Variants in SPINK9 observed in about 807,000 individuals in gnomAD.
The protein encoded by SPINK9 is serine peptidase inhibitor Kazal type 9, also known as serine protease inhibitor Kazal-type 9.
Under a neutral mutation model 10.8 loss-of-function variants are expected in SPINK9, and 3 were observed. The observed-to-expected ratio is 0.28, with a 90% confidence interval of 0.13 to 0.72. SPINK9 has a LOEUF of 0.72. SPINK9 is among the 30% of genes least tolerant of loss of function. SPINK9 has a pLI of 0.74. For missense variants in SPINK9, 101 were observed against 103.2 expected, an observed-to-expected ratio of 0.98 and a Z score of 0.09; for synonymous variants, 30 against 31.2, an observed-to-expected ratio of 0.96 and a Z score of 0.12.
In SPINK9 at chr5:148,338,469, T is replaced by G; in HGVS notation, c.88-9T>G. ...GAAAGAGTTGAAGGTTTTTAATATGTTTTTTCAGGTTGACTGCAGTCATTA... is the reference window on the plus strand; with the variant it reads ...GAAAGAGTTGAAGGTTTTTAATATGGTTTTTCAGGTTGACTGCAGTCATTA... On this transcript the variant is annotated splice_polypyrimidine_tract_variant and intron_variant, in intron 2 of 3. Coordinates refer to ENST00000377906, the MANE Select transcript of SPINK9 (RefSeq NM_001040433.2). 6.3e-7 allele frequency: 1 copy of G among 1,585,802 alleles called. No homozygotes were observed. The highest frequency in any genetic ancestry group is 8.5e-7 in the Non-Finnish European group (1 of 1,171,350).
chr5:148,334,101 T>C (rs914323343), upstream of SPINK9, among the ~76,000 whole-genome samples: 2 of 151,800 alleles, frequency 1.3e-5, no homozygotes, highest in African/African-American at 2.4e-5. Context: ...GGTCAGTGCA[T>C]AGAAAACTTA....
At chr5:148,329,565 TCTTG>T (rs1206194791) in intron 2 of SPINK9, among the ~76,000 whole-genome samples, 3 of 152,344 alleles carry the variant, frequency 2.0e-5, no homozygotes, top group Non-Finnish European at 4.4e-5. Context: ...ATGTGTTTGC[TCTTG>T]CTTCTCTAGT....
At chr5:148,326,876 G>C (rs1173263198) in intron 2 of SPINK9, among the ~76,000 whole-genome samples, 1 of 152,018 alleles carries the variant, frequency 6.6e-6, no homozygotes, top group African/African-American at 2.4e-5. Context: ...GTATTCCATG[G>C]TGTATATGTG....
intron 2 of SPINK9, among the ~76,000 whole-genome samples, chr5:148,326,115 A>G (rs1333462205): frequency 1.3e-5 from 2 of 152,230 alleles, no homozygotes; most frequent in Non-Finnish European, 2.9e-5. Flanking sequence ...GAATGAAGAC[A>G]TACAAATGGT....
In SPINK9 at chr5:148,335,605, T is replaced by G. The variant is rs753012557; in HGVS notation, c.-9T>G. On this transcript the variant is annotated 5_prime_UTR_variant, in exon 1 of 4. Coordinates refer to ENST00000377906, the MANE Select transcript of SPINK9 (RefSeq NM_001040433.2). Reference sequence around the variant, plus strand: ...CCCTACATCTGACTGCCTTGGCCACTTCAGTACTATGAGAGCAACAGCCAT... The same window carrying G: ...CCCTACATCTGACTGCCTTGGCCACGTCAGTACTATGAGAGCAACAGCCAT... The G allele has an allele frequency of 6.2e-7, 1 of 1,613,484 alleles. No individual in the cohort carries two copies. Among genetic ancestry groups the G allele is most frequent in the Admixed American group, 1.7e-5 (1 of 60,006 alleles).
At chr5:148,338,689 G>A in intron 3 of SPINK9, 84 bp downstream of exon 3, 1 of 1,053,554 alleles carries the variant, frequency 9.5e-7, no homozygotes, top group Non-Finnish European at 1.4e-6. Flanking sequence ...TAGGGCCTAA[G>A]GAATATGTGA....
intron 2 of SPINK9, among the ~76,000 whole-genome samples, chr5:148,327,364 C>A (rs1320604455): frequency 1.3e-5 from 2 of 151,860 alleles, no homozygotes; most frequent in Admixed American, 1.3e-4. Flanking sequence ...TTGTTTTTTT[C>A]TTGTAAATTT....
At chr5:148,335,794 CT>C (rs1757209875) in intron 1 of SPINK9, 126 bp downstream of exon 1, 1 of 1,158,238 alleles carries the variant, frequency 8.6e-7, no homozygotes, top group Non-Finnish European at 1.2e-6. Flanking sequence ...TAAAATGAAT[CT>C]TTTGCCTCAA....
At chr5:148,337,377 C>A (rs1050762909) in intron 2 of SPINK9, among the ~76,000 whole-genome samples, 1 of 152,044 alleles carries the variant, frequency 6.6e-6, no homozygotes, top group Admixed American at 6.6e-5. Flanking sequence ...TAACCTTAGC[C>A]CGATAACAGG....
At chr5:148,325,494 AT>A (rs2113410758) in intron 2 of SPINK9, among the ~76,000 whole-genome samples, 1 of 152,106 alleles carries the variant, frequency 6.6e-6, no homozygotes, top group African/African-American at 2.4e-5. Context: ...ACTGATGTTG[AT>A]TTTCATGTCC....
At chr5:148,324,708 G>T (rs188376771) in intron 2 of SPINK9, among the ~76,000 whole-genome samples, 1 of 148,944 alleles carries the variant, frequency 6.7e-6, no homozygotes, top group East Asian at 1.9e-4. Flanking sequence ...TCCTGAATGG[G>T]TCTTATTATT....
chr5:148,335,210 A>T (rs1166917418), upstream of SPINK9, among the ~76,000 whole-genome samples: 2 of 152,196 alleles, frequency 1.3e-5, no homozygotes, highest in Non-Finnish European at 2.9e-5. Context: ...AAAGAATTCA[A>T]ATGACTCATG....
chr5:148,336,292 A>C (rs924017630), intron 1 of SPINK9, 130 bp from the exon 2 acceptor site: 1 of 950,364 alleles, frequency 1.1e-6, no homozygotes, highest in African/African-American at 1.6e-5. Context: ...CAATGCTGAT[A>C]CACAGTTGTG....
upstream of SPINK9, among the ~76,000 whole-genome samples, chr5:148,332,941 A>AT (rs35803954): frequency 9.9e-5 from 15 of 151,850 alleles, no homozygotes; most frequent in African/African-American, 2.4e-4. Context: ...TTATACAGTA[A>AT]TTTTTTTTTA....
upstream of SPINK9, among the ~76,000 whole-genome samples, chr5:148,332,862 T>C (rs1339180214): frequency 2.0e-5 from 3 of 152,206 alleles, no homozygotes; most frequent in Non-Finnish European, 2.9e-5. Flanking sequence ...TCACTCACTG[T>C]CAAGGAATTA....
At position 148,339,809 on chromosome 5, in the gene SPINK9, C is replaced by A; in HGVS notation, c.*97C>A. ...TCTATGCCACATTGCCTACTCATCA[C>A]CATATGTAGATTTCTTTGTAGAATA... On this transcript the variant is annotated 3_prime_UTR_variant, in exon 4 of 4. Transcript: ENST00000377906. The A allele has an allele frequency of 1.0e-6, 1 of 955,848 alleles. No homozygotes were observed. Among genetic ancestry groups the A allele is most frequent in the Non-Finnish European group, 1.6e-6 (1 of 613,046 alleles). 59.2% of individuals were successfully genotyped at this position (955,848 alleles called of 1,614,324 possible). A position where few individuals can be genotyped will look rare whatever the true frequency, so the allele number is the denominator to read the frequency against.
chr5:148,337,073 T>C (rs1757226789), intron 2 of SPINK9, among the ~76,000 whole-genome samples: 1 of 152,096 alleles, frequency 6.6e-6, no homozygotes, highest in African/African-American at 2.4e-5. Flanking sequence ...AATAATAGGG[T>C]TAAGGATATA....
rs756573656 is a variant in SPINK9, at chr5:148,335,608, A to G, written c.-6A>G. ...TACATCTGACTGCCTTGGCCACTTC[A>G]GTACTATGAGAGCAACAGCCATAGT... On this transcript the variant is annotated 5_prime_UTR_variant, in exon 1 of 4. Transcript: ENST00000377906. 2.5e-6 allele frequency: 4 copies of G among 1,613,540 alleles called. No individual in the cohort carries two copies. Among genetic ancestry groups the G allele is most frequent in the Non-Finnish European group, 3.4e-6 (4 of 1,179,790 alleles).
chr5:148,328,844 G>C (rs1243712447), intron 2 of SPINK9, among the ~76,000 whole-genome samples: 1 of 152,132 alleles, frequency 6.6e-6, no homozygotes, highest in Non-Finnish European at 1.5e-5. Flanking sequence ...TGCATCCCAG[G>C]GATGAAGCCC....
Sources: gnomAD v4.1 joint callset for allele counts (sites outside exome capture counted in the v4.1 genomes callset) on GRCh38, gnomAD v4.1.1 for gene constraint, MANE v1.5 for transcripts, NCBI Gene and HGNC (gene_info 2026-07-23, HGNC 2026-07-21) for gene names.